Variants in NRXN3 observed in about 807,000 individuals in gnomAD.
The protein encoded by NRXN3 is neurexin 3, also known as neurexin III.
NRXN3 carries 32 observed loss-of-function variants against 137.6 expected under a neutral mutation model. That is an observed-to-expected ratio of 0.23 (90% CI 0.18 to 0.31). NRXN3 has a LOEUF of 0.31. NRXN3 is among the 10% of genes least tolerant of loss of function. NRXN3 has a pLI of 1.00. For synonymous variants in NRXN3, 798 were observed against 784.5 expected, an observed-to-expected ratio of 1.02 and a Z score of -0.29; for missense variants, 1,574 against 2,062.5, an observed-to-expected ratio of 0.76 and a Z score of 4.59.
chr14:79,306,390 A>C (rs940812950), intron 15 of NRXN3, among the ~76,000 whole-genome samples: 5 of 152,098 alleles, frequency 3.3e-5, no homozygotes, highest in Non-Finnish European at 7.4e-5. Context: ...CTTGTTCCAC[A>C]TCCAGCACTC....
intron 4 of NRXN3, among the ~76,000 whole-genome samples, chr14:78,485,905 G>T (rs546761710): frequency 4.8e-4 from 73 of 152,320 alleles, no homozygotes; most frequent in Non-Finnish European, 6.9e-4. Flanking sequence ...TACAGTATGG[G>T]CAGGTAGACA....
chr14:79,302,322 T>C (rs2085275720), intron 15 of NRXN3, among the ~76,000 whole-genome samples: 1 of 152,008 alleles, frequency 6.6e-6, no homozygotes, highest in African/African-American at 2.4e-5. Context: ...AAGAGGTTTA[T>C]TGGGCTCATG....
chr14:78,854,867 C>T (rs773721527), intron 10 of NRXN3, among the ~76,000 whole-genome samples: 3 of 151,962 alleles, frequency 2.0e-5, no homozygotes, highest in East Asian at 1.9e-4. Context: ...GTCAAGAAAT[C>T]GAGACCATCC....
chr14:78,209,407 A>G (rs1466333834), intron 1 of NRXN3, among the ~76,000 whole-genome samples: 3 of 152,202 alleles, frequency 2.0e-5, no homozygotes, highest in African/African-American at 4.8e-5. Context: ...CTATCTGCTC[A>G]TGTGCTATAT....
chr14:78,523,815 T>A (rs2096327249), intron 4 of NRXN3, among the ~76,000 whole-genome samples: 1 of 11,998 alleles, frequency 8.3e-5, no homozygotes, highest in African/African-American at 6.8e-4. Context: ...AGACTCTGTC[T>A]CAAAAAAAAA....
chr14:78,534,556 A>G (rs1020282948), intron 4 of NRXN3, among the ~76,000 whole-genome samples: 1 of 152,146 alleles, frequency 6.6e-6, no homozygotes, highest in African/African-American at 2.4e-5. Flanking sequence ...GCCAGATACT[A>G]TCATCCTCAT....
intron 17 of NRXN3, among the ~76,000 whole-genome samples, chr14:79,678,196 A>G (rs1008495564): frequency 6.6e-6 from 1 of 152,144 alleles, no homozygotes; most frequent in Admixed American, 6.6e-5. Flanking sequence ...TGTTGATTAA[A>G]GGGACCAAGA....
At chr14:78,707,679 A>G (rs2152826098) in intron 6 of NRXN3, among the ~76,000 whole-genome samples, 1 of 152,126 alleles carries the variant, frequency 6.6e-6, no homozygotes, top group African/African-American at 2.4e-5. Flanking sequence ...ACTGCACCCT[A>G]TTTGTAGTCT....
At chr14:79,075,553 T>G (rs1253894123) in intron 15 of NRXN3, among the ~76,000 whole-genome samples, 1 of 152,234 alleles carries the variant, frequency 6.6e-6, no homozygotes, top group African/African-American at 2.4e-5. Flanking sequence ...TCCTTCCTTT[T>G]CTGATCCCTT....
intron 4 of NRXN3, among the ~76,000 whole-genome samples, chr14:78,439,050 C>T (rs1425563468): frequency 6.6e-6 from 1 of 151,866 alleles, no homozygotes; most frequent in African/African-American, 2.4e-5. Context: ...ATGTGAAGGT[C>T]ACTTGCTTGA....
At chr14:79,528,111 A>G (rs2097138298) in intron 16 of NRXN3, among the ~76,000 whole-genome samples, 12 of 152,164 alleles carry the variant, frequency 7.9e-5, no homozygotes, top group Admixed American at 7.9e-4. Context: ...TGGGGTATTC[A>G]TCCTATGGAA....
At chr14:78,666,804 T>C (rs2097890771) in intron 6 of NRXN3, among the ~76,000 whole-genome samples, 1 of 152,110 alleles carries the variant, frequency 6.6e-6, no homozygotes, top group Non-Finnish European at 1.5e-5. Flanking sequence ...TCTGCCCCGT[T>C]TTGCTCTTTG....
rs8023117 is a variant in NRXN3, at chr14:78,787,280, C to T, written c.2045-16340C>T. On this transcript the variant is annotated intron_variant, in intron 8 of 20. Transcript: ENST00000335750. ...TAAAGGATTTATCTCTCTGATCTGG[C>T]CTCAGATAATATGGAAGCACCCACA... 3.9e-3 allele frequency among the ~76,000 whole-genome samples: 593 copies of T among 152,226 alleles called. 5 individuals carry two copies. The highest frequency in any genetic ancestry group is 0.013 in the African/African-American group (554 of 41,530).
At chr14:78,222,317 GGCACACACACACACATAC>G in intron 1 of NRXN3, among the ~76,000 whole-genome samples, 1 of 146,062 alleles carries the variant, frequency 6.8e-6, no homozygotes, top group East Asian at 2.0e-4. Context: ...AGGAATAAAG[GGCACACACACACACATAC>G]ACACACACAC....
intron 8 of NRXN3, chr14:78,744,954 A>C (rs571878621): frequency 6.6e-6 from 1 of 152,320 alleles, no homozygotes; most frequent in South Asian, 2.1e-4. Flanking sequence ...CCTGATCAGC[A>C]GTTTTGACCA....
At chr14:79,376,085 G>GTCA (rs1023388110) in intron 15 of NRXN3, among the ~76,000 whole-genome samples, 3 of 146,716 alleles carry the variant, frequency 2.0e-5, no homozygotes, top group South Asian at 2.1e-4. Context: ...TATTGTTTTA[G>GTCA]TCATCATCAT....
In NRXN3 at chr14:78,880,152, A is replaced by G. The variant is rs564854666; in HGVS notation, c.2275+69808A>G. Among the ~76,000 whole-genome samples, 6 of 139,662 alleles carry G rather than the reference A, an allele frequency of 4.3e-5. No individual in the cohort carries two copies. The South Asian group carries it at 1.3e-3, about 31-fold the overall frequency. The allele number at this position is 139,662 out of a possible 152,430, so 91.6% of individuals were successfully genotyped here. ...CTACTTGGGAGGCTGAGGCAGGAGA[A>G]TGGCATGAACCCGGGAGGCGGAGCT... On this transcript the variant is annotated intron_variant, in intron 10 of 20. Coordinates refer to ENST00000335750, the MANE Select transcript of NRXN3 (RefSeq NM_001330195.2).
intron 8 of NRXN3, among the ~76,000 whole-genome samples, chr14:78,773,531 C>T (rs2098735127): frequency 6.6e-6 from 1 of 152,072 alleles, no homozygotes; most frequent in African/African-American, 2.4e-5. Context: ...TCCCACACTC[C>T]CCTGCAGTTA....
At chr14:79,358,520 G>A (rs1214041468) in intron 15 of NRXN3, among the ~76,000 whole-genome samples, 1 of 142,978 alleles carries the variant, frequency 7.0e-6, no homozygotes, top group Non-Finnish European at 1.5e-5. Context: ...CTTACAGTGA[G>A]CAGAGATCGC....
Sources: allele counts gnomAD v4.1 joint callset (sites outside exome capture counted in the v4.1 genomes callset), GRCh38; gene constraint gnomAD v4.1.1; transcripts MANE v1.5; gene names NCBI Gene and HGNC (gene_info 2026-07-23, HGNC 2026-07-21).